The following ANTXR2 variants were observed in gnomAD, a reference collection of about 807,000 sequenced individuals.
The protein encoded by ANTXR2 is ANTXR cell adhesion molecule 2, also known as anthrax toxin receptor 2.
Under a neutral mutation model 73.7 loss-of-function variants are expected in ANTXR2, and 44 were observed. The ratio of observed to expected loss-of-function variants is 0.60; its 90% CI spans 0.47 to 0.77. The LOEUF (loss-of-function observed/expected upper bound fraction) is 0.77. Among genes scored for constraint, ANTXR2 ranks in the 30% least tolerant of loss-of-function variants. ANTXR2 has a pLI of 0.00. For synonymous variants in ANTXR2, 217 were observed against 205.9 expected (o/e 1.05, Z -0.46); for missense variants, 604 against 592.5 (o/e 1.02, Z -0.20).
At chr4:80,043,422 C>T (rs373673417) in intron 7 of ANTXR2, among the ~76,000 whole-genome samples, 1 of 151,978 alleles carries the variant, frequency 6.6e-6, no homozygotes, top group African/African-American at 2.4e-5. Context: ...CATGTATTAA[C>T]ATGAGAAATT....
At chr4:79,998,512 T>A (rs193117239) in intron 12 of ANTXR2, among the ~76,000 whole-genome samples, 3 of 152,150 alleles carry the variant, frequency 2.0e-5, no homozygotes, top group Admixed American at 6.6e-5. Context: ...TATAGGACTG[T>A]CATTTCTCCT....
chr4:79,936,875 C>T (rs747603954), intron 16 of ANTXR2, among the ~76,000 whole-genome samples: 1 of 152,062 alleles, frequency 6.6e-6, no homozygotes, highest in African/African-American at 2.4e-5. Flanking sequence ...GTACTACACT[C>T]TACCACTGTA....
intron 12 of ANTXR2, among the ~76,000 whole-genome samples, chr4:80,007,801 A>ATGCTCT (rs1731379351): frequency 6.6e-6 from 1 of 152,204 alleles, no homozygotes; most frequent in African/African-American, 2.4e-5. Flanking sequence ...AGCATTCAGA[A>ATGCTCT]AGAAACACAT....
chr4:79,926,986 T>TATATGTGTATATATATACACGTGTGC (rs1560867622), intron 16 of ANTXR2, among the ~76,000 whole-genome samples: 14 of 120,174 alleles, frequency 1.2e-4, no homozygotes, highest in African/African-American at 5.4e-4. Context: ...TACGTGTGCA[T>TATATGTGTATATATATACACGTGTGC]ATATGTGTAT....
At chr4:79,978,224 G>A in intron 14 of ANTXR2, 50 bp from the exon 15 acceptor site, 4 of 1,560,328 alleles carry the variant, frequency 2.6e-6, no homozygotes, top group Non-Finnish European at 3.5e-6. Context: ...TGTCCTAGAG[G>A]AACAGGCTCT....
At chr4:79,988,915 T>C (rs1338917797) in intron 12 of ANTXR2, among the ~76,000 whole-genome samples, 1 of 152,108 alleles carries the variant, frequency 6.6e-6, no homozygotes, top group East Asian at 1.9e-4. Context: ...AGAGTGAAAT[T>C]AAGGCAGAAA....
intron 3 of ANTXR2, among the ~76,000 whole-genome samples, chr4:80,061,917 G>C (rs1456956385): frequency 6.6e-6 from 1 of 152,078 alleles, no homozygotes; most frequent in Non-Finnish European, 1.5e-5. Flanking sequence ...CCTACATACT[G>C]CTTAACGGAT....
At chr4:79,923,391 A>G (rs914187224) in intron 16 of ANTXR2, among the ~76,000 whole-genome samples, 5 of 152,100 alleles carry the variant, frequency 3.3e-5, no homozygotes, top group Non-Finnish European at 5.9e-5. Flanking sequence ...TCACATGAAT[A>G]TTCAAGTAGG....
chr4:80,008,727 C>A, intron 11 of ANTXR2, 111 bp from the exon 12 acceptor site: 1 of 582,410 alleles, frequency 1.7e-6, no homozygotes, highest in Non-Finnish European at 2.9e-6. Context: ...AGTATAATGT[C>A]AAACTAGATT....
At chr4:79,919,003 G>A (rs1031062891) in intron 16 of ANTXR2, among the ~76,000 whole-genome samples, 3 of 151,954 alleles carry the variant, frequency 2.0e-5, no homozygotes, top group South Asian at 4.1e-4. Context: ...AAAGTATATT[G>A]TTATTTCCTG....
intron 16 of ANTXR2, among the ~76,000 whole-genome samples, chr4:79,932,091 G>A (rs568423419): frequency 3.9e-5 from 6 of 151,948 alleles, no homozygotes; most frequent in Admixed American, 2.6e-4. Flanking sequence ...AGGTAAACCC[G>A]ACAAAAAGAG....
chr4:79,978,235 T>C, intron 14 of ANTXR2, 61 bp from the exon 15 acceptor site: 1 of 1,492,044 alleles, frequency 6.7e-7, no homozygotes, highest in Non-Finnish European at 9.2e-7. Context: ...AACAGGCTCT[T>C]ATTGAGCCTA....
intron 15 of ANTXR2, 28 bp downstream of exon 15, chr4:79,977,979 T>A (rs1425424308): frequency 6.4e-7 from 1 of 1,550,828 alleles, no homozygotes; most frequent in East Asian, 2.3e-5. Flanking sequence ...AAGTTTTGAG[T>A]TAAATTACAC....
At chr4:80,025,955 T>C (rs1045241566) in intron 10 of ANTXR2, among the ~76,000 whole-genome samples, 1 of 152,200 alleles carries the variant, frequency 6.6e-6, no homozygotes, top group East Asian at 1.9e-4. Context: ...AGTATTGCAC[T>C]AAAAATAAGC....
At chr4:79,932,511 G>A (rs1728095531) in intron 16 of ANTXR2, among the ~76,000 whole-genome samples, 1 of 152,056 alleles carries the variant, frequency 6.6e-6, no homozygotes, top group Non-Finnish European at 1.5e-5. Flanking sequence ...AGCATGTGAT[G>A]GCCAGGAGTG....
At chr4:80,037,679 G>A (rs959059675) in intron 7 of ANTXR2, among the ~76,000 whole-genome samples, 4 of 152,100 alleles carry the variant, frequency 2.6e-5, no homozygotes, top group African/African-American at 4.8e-5. Flanking sequence ...AAAGGTTAAT[G>A]TGCCCTCTTG....
chr4:79,914,505 A>G (rs1301539817), intron 16 of ANTXR2, among the ~76,000 whole-genome samples: 2 of 152,148 alleles, frequency 1.3e-5, no homozygotes, highest in East Asian at 3.9e-4. Flanking sequence ...CACGGAGAAT[A>G]TCTGAACCCC....
chr4:79,946,778 CT>C (rs1408016976), intron 16 of ANTXR2, among the ~76,000 whole-genome samples: 1 of 152,020 alleles, frequency 6.6e-6, no homozygotes, highest in East Asian at 1.9e-4. Context: ...CAAATTCTCC[CT>C]GTTTTTGTTT....
chr4:80,055,321 A>C (rs1733943837), intron 5 of ANTXR2, 39 bp downstream of exon 5: 1 of 1,574,038 alleles, frequency 6.4e-7, no homozygotes, highest in Admixed American at 1.7e-5. Context: ...ACAGCGATGT[A>C]CAGTGGGGTG....
Sources: gnomAD v4.1 joint callset for allele counts (sites outside exome capture counted in the v4.1 genomes callset) on GRCh38, gnomAD v4.1.1 for gene constraint, MANE v1.5 for transcripts, NCBI Gene and HGNC (gene_info 2026-07-23, HGNC 2026-07-21) for gene names.